Variants in DNAH9 observed in about 807,000 individuals in gnomAD.
DNAH9 encodes the protein dynein axonemal heavy chain 9.
A neutral mutation model predicts 471.6 loss-of-function variants in DNAH9; 345 were observed. The observed-to-expected ratio is 0.73, with a 90% CI of 0.67 to 0.80. The LOEUF (loss-of-function observed/expected upper bound fraction) is 0.80, where lower values mean the gene tolerates loss of function less well. DNAH9 is among the 30% of genes least tolerant of loss of function. The pLI is 0.00. For synonymous variants in DNAH9, 2,093 were observed against 2,123.6 expected (o/e 0.99, Z 0.40); for missense variants, 5,407 against 5,609.2 (o/e 0.96, Z 1.15).
intron 61 of DNAH9, among the ~76,000 whole-genome samples, chr17:11,920,272 G>A (rs554469737): frequency 1.3e-5 from 2 of 151,776 alleles, no homozygotes; most frequent in African/African-American, 4.8e-5. Context: ...CCGACCTCAG[G>A]TGATCCACCT....
chr17:11,930,126 CACACCTCACAGT>C, intron 63 of DNAH9, 33 bp downstream of exon 63: 1 of 1,564,418 alleles, frequency 6.4e-7, no homozygotes, highest in Non-Finnish European at 8.8e-7. Context: ...AAAACAGCAG[CACACCTCACAGT>C]CAGCTGATGC....
chr17:11,618,407 G>A (rs1597394541), intron 5 of DNAH9, among the ~76,000 whole-genome samples: 1 of 152,070 alleles, frequency 6.6e-6, no homozygotes, highest in East Asian at 1.9e-4. Flanking sequence ...CCAACATGGT[G>A]AAACCCCATC....
rs4792156 is a variant in DNAH9, at chr17:11,608,095, A to G, written c.418-34A>G. 1,496,363 of 1,498,556 alleles carry G rather than the reference A, an allele frequency of 1. 747,112 individuals are homozygous for G. The highest frequency in any genetic ancestry group is 1 in the Non-Finnish European group (1,106,040 of 1,106,102). The allele number at this position is 1,498,556 out of a possible 1,614,324, so 92.8% of individuals were successfully genotyped here. A position where few individuals can be genotyped will look rare whatever the true frequency, so the allele number is the denominator to read the frequency against. On this transcript the variant is annotated intron_variant, in intron 1 of 68. Coordinates refer to ENST00000262442, the MANE Select transcript of DNAH9 (RefSeq NM_001372.4). ...TTCTTTAAGTTCTCAGAATTGGAAC[A>G]CCTGCCTTTCTTTCCTGTGCACCTC...
chr17:11,706,674 A>T (rs1010094331), intron 26 of DNAH9, among the ~76,000 whole-genome samples: 7 of 152,210 alleles, frequency 4.6e-5, no homozygotes, highest in African/African-American at 1.7e-4. Flanking sequence ...GGATTTAAAT[A>T]GGTTATGAGA....
chr17:11,762,235 TG>T (rs1283751866), intron 35 of DNAH9, among the ~76,000 whole-genome samples: 1 of 152,216 alleles, frequency 6.6e-6, no homozygotes, highest in Non-Finnish European at 1.5e-5. Context: ...GGTTCAGTGC[TG>T]GGAAATGACT....
At position 11,739,055 on chromosome 17, in the gene DNAH9, C is replaced by T; in HGVS notation, c.5972+18C>T. 1 of 1,555,600 alleles carries T rather than the reference C, an allele frequency of 6.4e-7. No individual in the cohort carries two copies. ...CTCTTCAGGTGAGTGTCAGTTCTGC[C>T]CCATGCAAAAGCCCCAAAAGAGAAG... On this transcript the variant is annotated intron_variant, in intron 29 of 68. Transcript: ENST00000262442.
At chr17:11,664,450 A>G (rs544789017) in intron 14 of DNAH9, among the ~76,000 whole-genome samples, 1 of 152,336 alleles carries the variant, frequency 6.6e-6, no homozygotes, top group East Asian at 1.9e-4. Flanking sequence ...TAAACCTTGA[A>G]TCTTAATACT....
chr17:11,898,259 G>C (rs909892273), intron 59 of DNAH9, among the ~76,000 whole-genome samples: 1 of 151,938 alleles, frequency 6.6e-6, no homozygotes, highest in Non-Finnish European at 1.5e-5. Context: ...CAAGTAGCTG[G>C]GATTACCGGC....
At chr17:11,838,440 A>G (rs1970919597) in intron 49 of DNAH9, among the ~76,000 whole-genome samples, 3 of 152,236 alleles carry the variant, frequency 2.0e-5, no homozygotes, top group African/African-American at 7.2e-5. Context: ...AAGAAGGCAT[A>G]GTGAACTGCC....
intron 33 of DNAH9, among the ~76,000 whole-genome samples, chr17:11,754,681 G>GT (rs1379323765): frequency 1.3e-5 from 2 of 151,930 alleles, no homozygotes; most frequent in African/African-American, 4.8e-5. Flanking sequence ...GGTATTGTTT[G>GT]TTTTTTTCTC....
Position 11,701,264 on chromosome 17 carries a change from A to G in DNAH9, c.5151+17A>G. On this transcript the variant is annotated intron_variant, in intron 24 of 68. Transcript: ENST00000262442. ...CCAGCTCAGGTATTCTCCTAATGGGATCCCCATCCTCCATGGTTGGGGCTG... is the reference window on the plus strand; with the variant it reads ...CCAGCTCAGGTATTCTCCTAATGGGGTCCCCATCCTCCATGGTTGGGGCTG... The G allele has an allele frequency of 6.2e-7, 1 of 1,612,222 alleles. No individual in the cohort carries two copies. Among genetic ancestry groups the G allele is most frequent in the Non-Finnish European group, 8.5e-7 (1 of 1,179,588 alleles).
intron 30 of DNAH9, among the ~76,000 whole-genome samples, chr17:11,743,931 G>A (rs1266220558): frequency 6.6e-6 from 1 of 151,648 alleles, no homozygotes; most frequent in African/African-American, 2.4e-5. Flanking sequence ...CCAGGTTGAA[G>A]TGATTCTCCT....
intron 45 of DNAH9, among the ~76,000 whole-genome samples, chr17:11,810,830 A>T (rs748748056): frequency 5.3e-5 from 8 of 152,218 alleles, no homozygotes; most frequent in Non-Finnish European, 1.0e-4. Context: ...CAATGTAATT[A>T]ACTAGTGATT....
At chr17:11,896,946 C>T (rs1356736411) in intron 59 of DNAH9, among the ~76,000 whole-genome samples, 3 of 152,072 alleles carry the variant, frequency 2.0e-5, no homozygotes, top group South Asian at 2.1e-4. Context: ...CAAAATTAGC[C>T]GGGTGTGGTG....
Position 11,929,919 on chromosome 17 carries a change from GCA to G in DNAH9, c.11934_11935del (p.His3978GlnfsTer2), listed in dbSNP as rs778903866. ...LSTLEKKLEEHSENSHPEFRV... is the reference protein window; with the variant it reads ...LSTLEKKLEEXSENSHPEFRV... ...GCACCCTGGAGAAGAAGCTGGAGGA[GCA>G]CAGTGAGAACAGCCACCCAGAGTTC... On this transcript the variant is annotated frameshift_variant, in exon 63 of 69. Transcript: ENST00000262442. LOFTEE classifies it high-confidence loss of function. 1 of 1,614,056 alleles carries G rather than the reference GCA, an allele frequency of 6.2e-7. No individual in the cohort carries two copies. Among genetic ancestry groups the G allele is most frequent in the East Asian group, 2.2e-5 (1 of 44,862 alleles).
At chr17:11,923,454 G>GGCGCCCACCACC (rs1454665442) in intron 61 of DNAH9, among the ~76,000 whole-genome samples, 4 of 152,026 alleles carry the variant, frequency 2.6e-5, no homozygotes. Flanking sequence ...TGGGACTACA[G>GGCGCCCACCACC]GCGCCCACCA....
At chr17:11,745,487 C>G (rs952538229) in intron 31 of DNAH9, among the ~76,000 whole-genome samples, 3 of 152,168 alleles carry the variant, frequency 2.0e-5, no homozygotes, top group African/African-American at 7.2e-5. Flanking sequence ...GAGAATACCC[C>G]TCCCAGCCTC....
At chr17:11,742,988 T>A (rs2075454521) in intron 30 of DNAH9, among the ~76,000 whole-genome samples, 1 of 152,216 alleles carries the variant, frequency 6.6e-6, no homozygotes, top group Non-Finnish European at 1.5e-5. Context: ...CTCTAGGTTC[T>A]TTCCCAACGT....
At chr17:11,614,989 A>G (rs2072712521) in intron 4 of DNAH9, among the ~76,000 whole-genome samples, 1 of 152,206 alleles carries the variant, frequency 6.6e-6, no homozygotes, top group Non-Finnish European at 1.5e-5. Context: ...CGTGTGTGAA[A>G]GAAGGCACAC....
Sources: gnomAD v4.1 joint callset for allele counts (sites outside exome capture counted in the v4.1 genomes callset) on GRCh38, gnomAD v4.1.1 for gene constraint, MANE v1.5 for transcripts, NCBI Gene and HGNC (gene_info 2026-07-23, HGNC 2026-07-21) for gene names.